UTRN: variants seen among roughly 807,000 people sequenced by gnomAD.
The protein encoded by UTRN is utrophin.
A neutral mutation model predicts 463.9 loss-of-function variants in UTRN; 283 were observed. The ratio of observed to expected loss-of-function variants is 0.61; its 90% CI spans 0.55 to 0.67. The LOEUF is 0.67. Ranked by LOEUF, UTRN falls within the 30% of genes least tolerant of loss-of-function variation. UTRN has a pLI of 0.00. For missense variants in UTRN, 3,922 were observed against 4,084.3 expected (o/e 0.96, Z 1.08); for synonymous variants, 1,442 against 1,431.5 (o/e 1.01, Z -0.17).
intron 39 of UTRN, among the ~76,000 whole-genome samples, chr6:144,518,005 G>A (rs1465209869): frequency 6.6e-6 from 1 of 152,154 alleles, no homozygotes; most frequent in Non-Finnish European, 1.5e-5. Context: ...ACACTGAGTA[G>A]GCATTAAAAC....
intron 52 of UTRN, among the ~76,000 whole-genome samples, chr6:144,698,265 A>G (rs1784220549): frequency 6.6e-6 from 1 of 152,196 alleles, no homozygotes; most frequent in Non-Finnish European, 1.5e-5. Flanking sequence ...CTGGAGCTCA[A>G]GCAGAATCAG....
intron 24 of UTRN, among the ~76,000 whole-genome samples, 166 bp downstream of exon 24, chr6:144,473,999 C>A (rs1312235242): frequency 2.0e-5 from 3 of 151,864 alleles, no homozygotes; most frequent in African/African-American, 7.3e-5. Context: ...AAAAGAATGA[C>A]AGATTCTTCA....
At chr6:144,427,302 T>C (rs1290737666) in intron 7 of UTRN, among the ~76,000 whole-genome samples, 2 of 152,226 alleles carry the variant, frequency 1.3e-5, no homozygotes, top group African/African-American at 4.8e-5. Context: ...AAATTTGTTA[T>C]ATTTTATTGT....
At chr6:144,819,159 C>T (rs1439872299) in intron 65 of UTRN, among the ~76,000 whole-genome samples, 1 of 152,090 alleles carries the variant, frequency 6.6e-6, no homozygotes, top group Admixed American at 6.5e-5. Flanking sequence ...GGGCTGGCAC[C>T]TTGTTGCAGG....
At chr6:144,796,304 C>G (rs947824157) in intron 63 of UTRN, among the ~76,000 whole-genome samples, 1 of 152,144 alleles carries the variant, frequency 6.6e-6, no homozygotes, top group African/African-American at 2.4e-5. Context: ...ACCCTCATGA[C>G]CTAATCATTT....
At chr6:144,718,572 G>A (rs1179991760) in intron 53 of UTRN, among the ~76,000 whole-genome samples, 1 of 152,218 alleles carries the variant, frequency 6.6e-6, no homozygotes, top group Non-Finnish European at 1.5e-5. Context: ...AACACGCAGA[G>A]AATTTAAGGG....
intron 63 of UTRN, among the ~76,000 whole-genome samples, chr6:144,797,283 G>A (rs1433638616): frequency 6.6e-6 from 1 of 151,728 alleles, no homozygotes; most frequent in African/African-American, 2.4e-5. Flanking sequence ...CCGCCTCCCA[G>A]GTTCAAGCGA....
intron 2 of UTRN, among the ~76,000 whole-genome samples, chr6:144,324,984 C>T (rs1207628948): frequency 1.3e-5 from 2 of 152,168 alleles, no homozygotes; most frequent in Non-Finnish European, 2.9e-5. Flanking sequence ...CACTTTGACT[C>T]TCAGAGCTTT....
chr6:144,332,904 TTTTATTTATTTATTTATTTATTTA>T (rs200334669), intron 2 of UTRN, among the ~76,000 whole-genome samples: 6 of 145,206 alleles, frequency 4.1e-5, no homozygotes, highest in Non-Finnish European at 6.0e-5. Context: ...GATATTAACC[TTTTATTTATTTATTTATTTATTTA>T]TTTATTTATT....
intron 51 of UTRN, among the ~76,000 whole-genome samples, chr6:144,587,247 C>A (rs1802552330): frequency 6.6e-6 from 1 of 152,058 alleles, no homozygotes; most frequent in Non-Finnish European, 1.5e-5. Flanking sequence ...CAAAGTCTTC[C>A]CCGGAATACT....
At chr6:144,417,723 G>A (rs1784473736) in intron 3 of UTRN, among the ~76,000 whole-genome samples, 1 of 152,126 alleles carries the variant, frequency 6.6e-6, no homozygotes, top group African/African-American at 2.4e-5. Flanking sequence ...AAGTTTCATT[G>A]GAAGATAGTC....
chr6:144,750,737 T>C (rs1165859070), intron 55 of UTRN, among the ~76,000 whole-genome samples: 1 of 152,204 alleles, frequency 6.6e-6, no homozygotes, highest in Admixed American at 6.5e-5. Context: ...TGCTCAAATA[T>C]CATTTTTGTG....
At chr6:144,703,164 TGA>T (rs1201320919) in intron 53 of UTRN, among the ~76,000 whole-genome samples, 3 of 152,078 alleles carry the variant, frequency 2.0e-5, no homozygotes, top group Non-Finnish European at 4.4e-5. Context: ...ATGTGTGGAA[TGA>T]GAGAAGAAGA....
At chr6:144,715,946 TC>T (rs1786395358) in intron 53 of UTRN, among the ~76,000 whole-genome samples, 1 of 152,150 alleles carries the variant, frequency 6.6e-6, no homozygotes, top group South Asian at 2.1e-4. Context: ...TTGAAAATAT[TC>T]CTACTTTAAA....
intron 50 of UTRN, among the ~76,000 whole-genome samples, chr6:144,559,946 G>A (rs1237240476): frequency 1.3e-5 from 2 of 152,098 alleles, no homozygotes; most frequent in Non-Finnish European, 1.5e-5. Context: ...TCTTCATGCT[G>A]TGAGTTCTGA....
chr6:144,803,044 G>A lies in UTRN; in HGVS notation c.9254G>A (p.Ser3085Asn). Residue 3085 changes from serine (S) to asparagine (N), a missense_variant, in exon 65 of 75, where the codon AGC (serine) becomes AAC (asparagine). Physicochemically the swap from Ser to Asn is conservative, Grantham distance 46 (BLOSUM62 1). Around this residue, in one of 3 missense-constraint regions of UTRN, gnomAD observed 1,309 missense variants for 1,452.6 expected, o/e 0.90. Transcript: ENST00000367545. ...ECPIVGFRYRSLKHFNYDVCQ... is the reference protein window; with the variant it reads ...ECPIVGFRYRNLKHFNYDVCQ... Reference sequence around the variant, plus strand: ...TCTTTTGTTTTCTCTAGGTATAGAAGCCTTAAGCATTTTAACTATGATGTC... The same window carrying A: ...TCTTTTGTTTTCTCTAGGTATAGAAACCTTAAGCATTTTAACTATGATGTC... 6.4e-7 allele frequency: 1 copy of A among 1,573,190 alleles called. No individual in the cohort carries two copies. The highest frequency in any genetic ancestry group is 8.6e-7 in the Non-Finnish European group (1 of 1,162,410).
At chr6:144,785,662 T>A (rs1776234124) in intron 61 of UTRN, among the ~76,000 whole-genome samples, 1 of 152,232 alleles carries the variant, frequency 6.6e-6, no homozygotes, top group African/African-American at 2.4e-5. Flanking sequence ...TTGGTTCTGG[T>A]TGCTGTGTGA....
At chr6:144,568,634 A>T (rs969832365) in intron 50 of UTRN, among the ~76,000 whole-genome samples, 4 of 152,114 alleles carry the variant, frequency 2.6e-5, no homozygotes, top group Admixed American at 6.6e-5. Flanking sequence ...CTACTCATCT[A>T]TTCCCGCCAG....
Position 144,462,838 on chromosome 6 carries a change from A to G in UTRN, c.3038A>G (p.Glu1013Gly). The change falls in exon 23 of 75, where the codon GAA (glutamate) becomes GGA (glycine). Residue 1013 changes from glutamate (E) to glycine (G), a missense_variant. Physicochemically the swap from Glu to Gly is moderately conservative, Grantham distance 98 (BLOSUM62 -2). Coordinates refer to ENST00000367545, the MANE Select transcript of UTRN (RefSeq NM_007124.3). The stretch of plus-strand genomic sequence containing the variant: ...TCCAAAGATCTACATTTGCTTGAGG[A>G]AATTGCTCTCACACTCAGAGCTTTT... ...LVSKDLHLLE[E>G]IALTLRAFEA... The G allele has an allele frequency of 6.2e-7, 1 of 1,606,498 alleles. No individual in the cohort carries two copies. Among genetic ancestry groups the G allele is most frequent in the Non-Finnish European group, 8.5e-7 (1 of 1,178,480 alleles).
Sources: gnomAD v4.1 joint callset for allele counts (sites outside exome capture counted in the v4.1 genomes callset) on GRCh38, gnomAD v4.1.1 for gene constraint, gnomAD v4.1.1 regional missense constraint, MANE v1.5 for transcripts, NCBI Gene and HGNC (gene_info 2026-07-23, HGNC 2026-07-21) for gene names.